Variants in NELL1 observed in about 807,000 individuals in gnomAD.
The protein encoded by NELL1 is neural EGFL like 1.
Under a neutral mutation model 107.4 loss-of-function variants are expected in NELL1, and 76 were observed. The ratio of observed to expected loss-of-function variants is 0.71; its 90% CI spans 0.59 to 0.86. The LOEUF is 0.86. NELL1 is among the 40% of genes least tolerant of loss of function. The pLI, the probability that NELL1 is intolerant of heterozygous loss-of-function variation, is 0.00. For missense variants in NELL1, 1,024 were observed against 1,005.5 expected, an observed-to-expected ratio of 1.02 and a Z score of -0.25; for synonymous variants, 353 against 341.2, an observed-to-expected ratio of 1.03 and a Z score of -0.38.
intron 12 of NELL1, among the ~76,000 whole-genome samples, chr11:20,993,644 A>G (rs1852026160): frequency 6.6e-6 from 1 of 152,226 alleles, no homozygotes; most frequent in African/African-American, 2.4e-5. Context: ...ACCTATGCAT[A>G]TCCTCCTGTG....
chr11:21,064,381 G>A (rs1490509529), intron 12 of NELL1, among the ~76,000 whole-genome samples: 2 of 152,190 alleles, frequency 1.3e-5, no homozygotes, highest in Non-Finnish European at 2.9e-5. Context: ...CCAGGAGCGA[G>A]ATGATAGTAG....
At chr11:20,955,909 C>G (rs1458832643) in intron 11 of NELL1, among the ~76,000 whole-genome samples, 1 of 151,918 alleles carries the variant, frequency 6.6e-6, no homozygotes, top group African/African-American at 2.4e-5. Flanking sequence ...TATTTTTAAG[C>G]CAGGAACTGT....
At chr11:21,016,951 T>C (rs1004525396) in intron 12 of NELL1, among the ~76,000 whole-genome samples, 3 of 152,122 alleles carry the variant, frequency 2.0e-5, no homozygotes, top group Non-Finnish European at 2.9e-5. Context: ...GGGCAAATTA[T>C]TTAATTTCTC....
intron 15 of NELL1, among the ~76,000 whole-genome samples, chr11:21,415,072 A>C (rs1001217578): frequency 6.6e-6 from 1 of 152,104 alleles, no homozygotes; most frequent in African/African-American, 2.4e-5. Flanking sequence ...AGTTTATGCT[A>C]TTCACTCCTG....
At chr11:21,299,434 T>G (rs774116776) in intron 14 of NELL1, among the ~76,000 whole-genome samples, 6 of 151,890 alleles carry the variant, frequency 4.0e-5, no homozygotes, top group Non-Finnish European at 5.9e-5. Flanking sequence ...TAATTGACTT[T>G]TCATGGGAAA....
intron 13 of NELL1, among the ~76,000 whole-genome samples, chr11:21,147,223 G>C (rs1282092653): frequency 6.6e-6 from 1 of 151,992 alleles, no homozygotes; most frequent in Non-Finnish European, 1.5e-5. Context: ...AAATTAATGG[G>C]GAAATGAGGA....
intron 4 of NELL1, 107 bp downstream of exon 4, chr11:20,847,860 A>G (rs896398550): frequency 1.7e-6 from 2 of 1,199,040 alleles, no homozygotes; most frequent in Non-Finnish European, 1.2e-6. Context: ...ACAAACACCA[A>G]GGGACCCTAA....
At chr11:20,795,496 G>A (rs1007514246) in intron 3 of NELL1, among the ~76,000 whole-genome samples, 5 of 152,112 alleles carry the variant, frequency 3.3e-5, no homozygotes, top group African/African-American at 1.2e-4. Flanking sequence ...CAGATTTAAT[G>A]TTTATTTTTT....
intron 15 of NELL1, among the ~76,000 whole-genome samples, chr11:21,480,616 A>G (rs1215866947): frequency 6.6e-6 from 1 of 152,120 alleles, no homozygotes; most frequent in East Asian, 1.9e-4. Flanking sequence ...GCTAGTGAAA[A>G]CTAACTGGAT....
intron 12 of NELL1, among the ~76,000 whole-genome samples, chr11:21,073,132 A>C (rs1256421202): frequency 6.6e-6 from 1 of 152,122 alleles, no homozygotes; most frequent in Admixed American, 6.6e-5. Context: ...CAAAACCTGG[A>C]AATTATGTTG....
intron 15 of NELL1, among the ~76,000 whole-genome samples, chr11:21,486,450 A>G (rs563013456): frequency 6.6e-6 from 1 of 152,198 alleles, no homozygotes; most frequent in Non-Finnish European, 1.5e-5. Context: ...CCACCCACCA[A>G]CAACATATCT....
intron 13 of NELL1, among the ~76,000 whole-genome samples, chr11:21,176,816 A>G (rs1425086667): frequency 1.3e-5 from 2 of 151,712 alleles, no homozygotes; most frequent in East Asian, 1.9e-4. Flanking sequence ...ATGAAACTTC[A>G]TATCTATTAT....
chr11:20,692,218 A>G (rs1203708803), intron 2 of NELL1, among the ~76,000 whole-genome samples: 1 of 150,242 alleles, frequency 6.7e-6, no homozygotes, highest in Non-Finnish European at 1.5e-5. Flanking sequence ...AATTTTGTTG[A>G]TCCTTTCAAA....
intron 14 of NELL1, among the ~76,000 whole-genome samples, chr11:21,244,178 G>C (rs1013481285): frequency 1.3e-5 from 2 of 152,048 alleles, no homozygotes; most frequent in Non-Finnish European, 2.9e-5. Flanking sequence ...AAGAGAGTAG[G>C]AGAAAAAAGA....
intron 14 of NELL1, among the ~76,000 whole-genome samples, chr11:21,337,521 A>G (rs1471314141): frequency 6.6e-6 from 1 of 152,248 alleles, no homozygotes; most frequent in Admixed American, 6.5e-5. Flanking sequence ...GACAGCATAC[A>G]GGAGCTCTTA....
intron 2 of NELL1, among the ~76,000 whole-genome samples, chr11:20,755,544 T>TTTG (rs1564894966): frequency 2.4e-5 from 1 of 41,504 alleles, no homozygotes; most frequent in African/African-American, 7.5e-5. Context: ...GTTTTTGTTT[T>TTTG]TTTTTGTTTT....
chr11:20,823,253 G>T (rs1857799599), intron 3 of NELL1, among the ~76,000 whole-genome samples: 1 of 151,336 alleles, frequency 6.6e-6, no homozygotes, highest in African/African-American at 2.4e-5. Context: ...GAATGAGGAA[G>T]ATGCAAAAGC....
intron 13 of NELL1, among the ~76,000 whole-genome samples, chr11:21,196,724 A>C (rs1857161151): frequency 6.6e-6 from 1 of 152,138 alleles, no homozygotes; most frequent in African/African-American, 2.4e-5. Flanking sequence ...CTCTCCTGCT[A>C]GAATGTGAGC....
At chr11:20,838,721 A>G (rs1265353320) in intron 3 of NELL1, among the ~76,000 whole-genome samples, 1 of 152,174 alleles carries the variant, frequency 6.6e-6, no homozygotes, top group Admixed American at 6.5e-5. Context: ...TTTGGGAACA[A>G]TAATATTTCT....
Sources: allele counts gnomAD v4.1 joint callset (sites outside exome capture counted in the v4.1 genomes callset), GRCh38; gene constraint gnomAD v4.1.1; transcripts MANE v1.5; gene names NCBI Gene and HGNC (gene_info 2026-07-23, HGNC 2026-07-21).